MYO18A: variants seen among roughly 807,000 people sequenced by gnomAD.
The protein encoded by MYO18A is unconventional myosin-XVIIIa.
In MYO18A, 78 loss-of-function variants were observed where a neutral mutation model predicts 235.8. That is an observed-to-expected ratio of 0.33 (90% CI 0.28 to 0.40). MYO18A has a LOEUF of 0.40. MYO18A is among the 10% of genes least tolerant of loss of function. The pLI, the probability that MYO18A is intolerant of heterozygous loss-of-function variation, is 1.00. For missense variants in MYO18A, 2,215 were observed against 2,699.3 expected (o/e 0.82, Z 3.98); for synonymous variants, 977 against 1,077.8 (o/e 0.91, Z 1.83).
At chr17:29,154,664 A>T (rs1249840063) in intron 2 of MYO18A, among the ~76,000 whole-genome samples, 1 of 152,110 alleles carries the variant, frequency 6.6e-6, no homozygotes, top group African/African-American at 2.4e-5. Flanking sequence ...CCTTTAGGGA[A>T]CCTAGGTGCC....
rs746811969 is a variant in MYO18A at position 29,121,875 on chromosome 17, A to T, written c.1170T>A (p.Asp390Glu). The stretch of plus-strand genomic sequence containing the variant: ...CCTTCTCAACGTCATCCTCATCCAC[A>T]TCCAGGATGGCCCCATCGTGGTCCA... ...VKLDHDGAIL[D>E]VDEDDVEKAN... The change falls in exon 4 of 42, where the codon GAT becomes GAA. Residue 390 changes from aspartate (D) to glutamate (E), a missense_variant. Physicochemically the swap from Asp to Glu is conservative, Grantham distance 45. Transcript: ENST00000527372. The surrounding 1 kb of genome is among the most constrained non-coding windows in gnomAD (Gnocchi z 4.2). The T allele has an allele frequency of 1.2e-6, 2 of 1,613,528 alleles. No homozygotes were observed. The highest frequency in any genetic ancestry group is 1.7e-6 in the Non-Finnish European group (2 of 1,179,716).
Position 29,121,634 on chromosome 17 carries a change from G to A in MYO18A, c.1284C>T (p.Arg428=), listed in dbSNP as rs370605792. ...ACGTGTGCAGCAGGCTAGCGCCATA[G>A]CGCTGGCGCAAGGTGTGCAGGACGC... ...ESSVLHTLRQ[R]YGASLLHTYA... Residue 428 remains arginine, a synonymous_variant, in exon 5 of 42, where the codon CGC becomes CGT. Transcript: ENST00000527372. The surrounding 1 kb of genome is among the most constrained non-coding windows in gnomAD (Gnocchi z 4.2). The A allele has an allele frequency of 9.0e-5, 142 of 1,580,220 alleles. No homozygotes were observed. The highest frequency in any genetic ancestry group is 1.1e-4 in the Non-Finnish European group (129 of 1,163,482).
At chr17:29,092,315 C>T in intron 34 of MYO18A, 28 bp downstream of exon 34, 1 of 1,572,168 alleles carries the variant, frequency 6.4e-7, no homozygotes, top group Non-Finnish European at 8.7e-7. Flanking sequence ...GCCCCCCGAG[C>T]TCTGCCCCGG....
intron 17 of MYO18A, among the ~76,000 whole-genome samples, chr17:29,110,899 G>C (rs1204721613): frequency 6.6e-6 from 1 of 152,246 alleles, no homozygotes; most frequent in African/African-American, 2.4e-5. Context: ...CCTCACCAGG[G>C]AGGGCAAAGG....
intron 14 of MYO18A, 114 bp downstream of exon 14, chr17:29,114,793 C>T (rs374158609): frequency 4.4e-5 from 50 of 1,127,824 alleles, no homozygotes; most frequent in African/African-American, 2.8e-4. Flanking sequence ...CTCCAGAGAG[C>T]GCAGGAGGAC....
intron 2 of MYO18A, among the ~76,000 whole-genome samples, chr17:29,161,351 A>G (rs999947090): frequency 1.5e-5 from 2 of 135,146 alleles, no homozygotes; most frequent in Non-Finnish European, 3.1e-5. Context: ...GTGAAACTCC[A>G]TGTCAAAAAA....
chr17:29,098,254 G>A, intron 24 of MYO18A, 30 bp from the exon 25 acceptor site: 1 of 1,613,554 alleles, frequency 6.2e-7, no homozygotes, highest in Non-Finnish European at 8.5e-7. Context: ...GTCACCACCA[G>A]TTGAAGTGCC....
Position 29,165,748 on chromosome 17 carries a change from C to G in MYO18A, c.999+194G>C, listed in dbSNP as rs536187955. On this transcript the variant is annotated intron_variant, in intron 2 of 41. Transcript: ENST00000527372. ...GGTGCTGTTTGTAGGGGTGGCACCC[C>G]CAGAGGATTATGAGCATGGGGCACC... Among the ~76,000 whole-genome samples the G allele has an allele frequency of 1.7e-3, 252 of 152,276 alleles. 1 individual carries two copies. The highest frequency in any genetic ancestry group is 3.2e-3 in the Non-Finnish European group (217 of 68,018).
chr17:29,092,571 C>T (rs752427348), intron 33 of MYO18A, 115 bp from the exon 34 acceptor site: 60 of 905,508 alleles, frequency 6.6e-5, no homozygotes, highest in Non-Finnish European at 9.3e-5. Flanking sequence ...CCATTCACTT[C>T]AGACCCCAGG....
Position 29,166,445 on chromosome 17 carries a change from G to T in MYO18A, c.496C>A (p.Gln166Lys). The T allele has an allele frequency of 6.2e-7, 1 of 1,613,828 alleles. No homozygotes were observed. The highest frequency in any genetic ancestry group is 8.5e-7 in the Non-Finnish European group (1 of 1,179,886). The change falls in exon 2 of 42, where the codon CAG (glutamine) becomes AAG (lysine). Residue 166 changes from glutamine (Q) to lysine (K), a missense_variant. Coordinates refer to ENST00000527372, the MANE Select transcript of MYO18A (RefSeq NM_078471.4). ...PSEHSAAPSP[Q>K]VEVRTLEGQL... ...CCCTCTAGAGTCCTCACCTCCACCT[G>T]TGGCGAGGGGGCGGCAGAGTGCTCT...
chr17:29,140,156 G>A lies in MYO18A; in HGVS notation c.1000-17903C>T, dbSNP rs534732874. On this transcript the variant is annotated intron_variant, in intron 2 of 41. Coordinates refer to ENST00000527372, the MANE Select transcript of MYO18A (RefSeq NM_078471.4). This position sits in a 1 kb window ranked among gnomAD's most constrained non-coding sequence, Gnocchi z 4.2. ...GCCACGGAGGGGTTTTGAGGCTTCCGGGGCTGAGTAACTCCCTTCTTACCA... is the reference window on the plus strand; with the variant it reads ...GCCACGGAGGGGTTTTGAGGCTTCCAGGGCTGAGTAACTCCCTTCTTACCA... 6.6e-5 allele frequency among the ~76,000 whole-genome samples: 10 copies of A among 152,188 alleles called. No homozygotes were observed. The highest frequency in any genetic ancestry group is 6.2e-4 in the South Asian group (3 of 4,822).
At chr17:29,097,455 A>C (rs2066547204) in intron 26 of MYO18A, 105 bp from the exon 27 acceptor site, 7 of 1,468,910 alleles carry the variant, frequency 4.8e-6, no homozygotes, top group Non-Finnish European at 6.5e-6. Flanking sequence ...GGAGTCAGCC[A>C]GGGCTCAGAA....
At chr17:29,169,516 G>A (rs2068354924) in intron 1 of MYO18A, among the ~76,000 whole-genome samples, 1 of 152,150 alleles carries the variant, frequency 6.6e-6, no homozygotes, top group Non-Finnish European at 1.5e-5. Flanking sequence ...GGGCTCTACT[G>A]TGACAAGGGG....
chr17:29,089,705 G>A (rs1208842911), intron 37 of MYO18A, among the ~76,000 whole-genome samples: 1 of 152,192 alleles, frequency 6.6e-6, no homozygotes, highest in Non-Finnish European at 1.5e-5. Context: ...ATATGAAGAC[G>A]AAGAGCTAAG....
At position 29,119,346 on chromosome 17, in the gene MYO18A, A is replaced by G. The variant is rs942164558; in HGVS notation, c.1818T>C (p.Asp606=). Residue 606 remains aspartate, a synonymous_variant, in exon 8 of 42, where the codon GAT becomes GAC. Transcript: ENST00000527372. ...CTGACCCATCTCACCTGAGGGTGCC[A>G]TCCCCACAGGCCAGCAGGTAGTAGA... The part of the protein sequence containing the change: ...NVFYYLLACG[D]GTLRTELHLN... The G allele has an allele frequency of 6.8e-6, 11 of 1,612,130 alleles. No homozygotes were observed. The highest frequency in any genetic ancestry group is 7.6e-6 in the Non-Finnish European group (9 of 1,179,188).
In MYO18A at chr17:29,073,958, G is replaced by A; in HGVS notation, c.*812C>T. ...AGCCCTGAACTGCTGTAGTTGGAAT[G>A]GGTTTACCTTAAATAGGTCATTGCA... is the stretch of plus-strand genomic sequence containing the variant. On this transcript the variant is annotated 3_prime_UTR_variant, in exon 42 of 42. Coordinates refer to ENST00000527372, the MANE Select transcript of MYO18A (RefSeq NM_078471.4). The A allele has an allele frequency of 6.2e-7, 1 of 1,614,072 alleles. No individual in the cohort carries two copies. The highest frequency in any genetic ancestry group is 8.5e-7 in the Non-Finnish European group (1 of 1,180,010).
intron 2 of MYO18A, among the ~76,000 whole-genome samples, chr17:29,147,172 G>A (rs1345517019): frequency 6.6e-6 from 1 of 152,308 alleles, no homozygotes; most frequent in East Asian, 1.9e-4. Flanking sequence ...ACAATGGGAG[G>A]CACAACAAGC....
intron 2 of MYO18A, among the ~76,000 whole-genome samples, chr17:29,164,508 T>C (rs2068239666): frequency 6.6e-6 from 1 of 152,216 alleles, no homozygotes; most frequent in Admixed American, 6.5e-5. Context: ...TAGCAGCTGC[T>C]TCCCCTCCCT....
chr17:29,140,558 T>G lies in MYO18A; in HGVS notation c.1000-18305A>C. The G allele has an allele frequency of 2.3e-6, 1 of 427,380 alleles. No individual in the cohort carries two copies. The highest frequency in any genetic ancestry group is 3.6e-6 in the Non-Finnish European group (1 of 274,428). 26.5% of individuals were successfully genotyped at this position (427,380 alleles called of 1,614,324 possible). A position where few individuals can be genotyped will look rare whatever the true frequency, so the allele number is the denominator to read the frequency against. ...CAGGAGGGAGAGGGTGATACAGCAG[T>G]GTGTGTGGAAGGGAAGGAGAAGGCT... is the stretch of plus-strand genomic sequence containing the variant. On this transcript the variant is annotated intron_variant, in intron 2 of 41. Transcript: ENST00000527372. The surrounding 1 kb of genome is among the most constrained non-coding windows in gnomAD (Gnocchi z 4.2).
Sources: allele counts gnomAD v4.1 joint callset (sites outside exome capture counted in the v4.1 genomes callset), GRCh38; gene constraint gnomAD v4.1.1; non-coding constraint Gnocchi (gnomAD v3.1); transcripts MANE v1.5; gene names NCBI Gene and HGNC (gene_info 2026-07-23, HGNC 2026-07-21).